Variants in CPS1 observed in about 807,000 individuals in gnomAD.
CPS1 encodes the protein carbamoyl-phosphate synthase 1.
A neutral mutation model predicts 174.6 loss-of-function variants in CPS1; 109 were observed. That is an observed-to-expected ratio of 0.62 (90% CI 0.53 to 0.73). The LOEUF is 0.73. CPS1 is among the 30% of genes least tolerant of loss of function. The pLI, the probability that CPS1 is intolerant of heterozygous loss-of-function variation, is 0.00. For synonymous variants in CPS1, 637 were observed against 632.0 expected (o/e 1.01, Z -0.12); for missense variants, 1,689 against 1,821.9 (o/e 0.93, Z 1.33).
At chr2:210,531,349 G>A (rs1468341751) in intron 1 of CPS1, among the ~76,000 whole-genome samples, 1 of 152,094 alleles carries the variant, frequency 6.6e-6, no homozygotes, top group African/African-American at 2.4e-5. Context: ...TTAGCATCGT[G>A]TAATGGTCTC....
At chr2:210,618,141 T>G (rs1224305982) in intron 21 of CPS1, 2 of 152,032 alleles carry the variant, frequency 1.3e-5, no homozygotes, top group African/African-American at 2.4e-5. Flanking sequence ...GTGAAAAAGG[T>G]CCTTGGAGGA....
At chr2:210,674,803 A>G (rs1559140805) in intron 34 of CPS1, 99 bp from the exon 35 acceptor site, 4 of 985,780 alleles carry the variant, frequency 4.1e-6, no homozygotes, top group Non-Finnish European at 6.6e-6. Flanking sequence ...ATCCGGCAAC[A>G]TGTAACATTG....
Position 210,595,484 on chromosome 2 carries a change from T to G in CPS1, c.1264-3T>G. On this transcript the variant is annotated splice_polypyrimidine_tract_variant and splice_region_variant and intron_variant, in intron 12 of 37. Transcript: ENST00000233072. ...AACAGTGTCTTTTTCTTATTGCTTA[T>G]AGGTTTCCAAAGTCCTTATTCTAGG... 6.2e-7 allele frequency: 1 copy of G among 1,603,796 alleles called. No homozygotes were observed. The highest frequency in any genetic ancestry group is 8.5e-7 in the Non-Finnish European group (1 of 1,171,350).
intron 15 of CPS1, among the ~76,000 whole-genome samples, chr2:210,600,946 T>G (rs908462588): frequency 2.0e-5 from 3 of 151,918 alleles, no homozygotes; most frequent in African/African-American, 7.2e-5. Context: ...TGAAGTGGTT[T>G]ATCAAGGCTT....
chr2:210,551,889 T>C (rs1433839593), upstream of CPS1, among the ~76,000 whole-genome samples: 1 of 151,844 alleles, frequency 6.6e-6, no homozygotes, highest in African/African-American at 2.4e-5. Flanking sequence ...ATTGGGAAGG[T>C]TTTCAAACAA....
At chr2:210,651,961 C>T (rs1193838118) in intron 28 of CPS1, among the ~76,000 whole-genome samples, 1 of 152,154 alleles carries the variant, frequency 6.6e-6, no homozygotes, top group African/African-American at 2.4e-5. Flanking sequence ...CAAATAATTA[C>T]AATTAAATAT....
At chr2:210,625,744 TG>T (rs1380251658) in intron 21 of CPS1, among the ~76,000 whole-genome samples, 1 of 152,034 alleles carries the variant, frequency 6.6e-6, no homozygotes, top group Non-Finnish European at 1.5e-5. Context: ...CATTTGATGT[TG>T]GGTAGGTAGG....
rs3217217 is a variant in CPS1, at chr2:210,668,076, ATGTG to A, written c.4003-84_4003-81del. The A allele has an allele frequency of 2.4e-3, 1,624 of 663,244 alleles. 11 individuals carry two copies. The highest frequency in any genetic ancestry group is 0.022 in the African/African-American group (1,220 of 54,416). 41.1% of individuals were successfully genotyped at this position (663,244 alleles called of 1,614,324 possible). A position where few individuals can be genotyped will look rare whatever the true frequency, so the allele number is the denominator to read the frequency against. ...TAAAGTACTTTCCATTTGTGCGTGCATGTGTGTGTGTGTGTGTGTGTGTGTGTGT... is the reference window on the plus strand; with the variant it reads ...TAAAGTACTTTCCATTTGTGCGTGCATGTGTGTGTGTGTGTGTGTGTGTGT... On this transcript the variant is annotated intron_variant, in intron 33 of 37. Transcript: ENST00000233072.
At position 210,637,803 on chromosome 2, in the gene CPS1, A is replaced by G. The variant is rs771770670; in HGVS notation, c.2789A>G (p.Glu930Gly). The G allele has an allele frequency of 5.0e-6, 8 of 1,614,000 alleles. No individual in the cohort carries two copies. The South Asian group carries it at 8.8e-5, about 18-fold the overall frequency. Residue 930 changes from glutamate (E) to glycine (G), a missense_variant, in exon 22 of 38, where the codon GAG becomes GGG. Glu to Gly is a moderately conservative substitution (Grantham distance 98). Transcript: ENST00000233072. ...CLGLTEAQTR[E>G]LRLKKNIHPW... ...GGGCTCACTGAGGCCCAGACAAGGG[A>G]GCTGAGGTTAAAGAAAAACATCCAC... is the stretch of plus-strand genomic sequence containing the variant.
intron 22 of CPS1, 122 bp downstream of exon 22, chr2:210,637,965 C>G: frequency 9.1e-7 from 1 of 1,099,606 alleles, no homozygotes. Flanking sequence ...TGACAATACT[C>G]ATCCGGTTGA....
chr2:210,512,837 TAC>T (rs1202846196), intron 1 of CPS1, among the ~76,000 whole-genome samples: 2 of 103,178 alleles, frequency 1.9e-5, no homozygotes, highest in Non-Finnish European at 3.7e-5. Context: ...TATGGAGATA[TAC>T]ATATATGGAG....
At chr2:210,488,931 T>A (rs906227438) in intron 1 of CPS1, among the ~76,000 whole-genome samples, 21 of 152,160 alleles carry the variant, frequency 1.4e-4, no homozygotes, top group African/African-American at 4.8e-4. Flanking sequence ...ACTAGAAGTC[T>A]TAGTGGGCTT....
At chr2:210,509,904 A>T (rs1305199136) in intron 1 of CPS1, among the ~76,000 whole-genome samples, 1 of 152,208 alleles carries the variant, frequency 6.6e-6, no homozygotes, top group Non-Finnish European at 1.5e-5. Flanking sequence ...AGAACATTCC[A>T]TGCTCATGGG....
rs1029320354 is a variant in CPS1 at position 210,620,156 on chromosome 2, C to T, written c.2687+3615C>T. 3.3e-5 allele frequency among the ~76,000 whole-genome samples: 5 copies of T among 151,904 alleles called. No homozygotes were observed. The East Asian group carries it at 9.7e-4, about 29-fold the overall frequency. ...TAAACAATAAATGTGCTTATTTATGCAATAGCTTCAAACAATATATTTTAA... is the reference window on the plus strand; with the variant it reads ...TAAACAATAAATGTGCTTATTTATGTAATAGCTTCAAACAATATATTTTAA... On this transcript the variant is annotated intron_variant, in intron 21 of 37. Coordinates refer to ENST00000233072, the MANE Select transcript of CPS1 (RefSeq NM_001875.5).
intron 1 of CPS1, among the ~76,000 whole-genome samples, chr2:210,508,298 A>T (rs1469319657): frequency 6.6e-6 from 1 of 152,044 alleles, no homozygotes; most frequent in Non-Finnish European, 1.5e-5. Context: ...TAATGAAATG[A>T]AGGCAGAAAT....
intron 5 of CPS1, among the ~76,000 whole-genome samples, chr2:210,580,484 T>A (rs1458303782): frequency 6.6e-6 from 1 of 152,066 alleles, no homozygotes; most frequent in East Asian, 1.9e-4. Context: ...GTCACTAACG[T>A]TAACTAAATT....
At chr2:210,626,660 GA>G (rs2105881408) in intron 21 of CPS1, among the ~76,000 whole-genome samples, 1 of 152,262 alleles carries the variant, frequency 6.6e-6, no homozygotes, top group East Asian at 1.9e-4. Context: ...CTCCTGGTGA[GA>G]ACTAACCAGT....
chr2:210,567,235 A>G (rs1351063352), intron 1 of CPS1, among the ~76,000 whole-genome samples: 1 of 152,120 alleles, frequency 6.6e-6, no homozygotes, highest in Non-Finnish European at 1.5e-5. Flanking sequence ...TGTAAGTTTA[A>G]AGTATACGTT....
intron 21 of CPS1, among the ~76,000 whole-genome samples, chr2:210,632,681 G>A (rs1186520914): frequency 6.6e-6 from 1 of 152,180 alleles, no homozygotes; most frequent in Non-Finnish European, 1.5e-5. Context: ...TGGTGGGTCA[G>A]TATCAACAAT....
Sources: allele counts gnomAD v4.1 joint callset (sites outside exome capture counted in the v4.1 genomes callset), GRCh38; gene constraint gnomAD v4.1.1; transcripts MANE v1.5; gene names NCBI Gene and HGNC (gene_info 2026-07-23, HGNC 2026-07-21).